The following NIPA2 variants were observed in gnomAD, a reference collection of about 807,000 sequenced individuals.
NIPA2 encodes the protein magnesium transporter NIPA2.
In NIPA2, 11 loss-of-function variants were observed where a neutral mutation model predicts 29.7. That is an observed-to-expected ratio of 0.37 (90% CI 0.23 to 0.61). NIPA2 has a LOEUF of 0.61. Ranked by LOEUF, NIPA2 falls within the 20% of genes least tolerant of loss-of-function variation. NIPA2 has a pLI of 0.66. For synonymous variants in NIPA2, 183 were observed against 161.9 expected (o/e 1.13, Z -0.99); for missense variants, 426 against 437.9 (o/e 0.97, Z 0.24).
At chr15:22,865,916 C>T (rs952510752) in intron 7 of NIPA2, among the ~76,000 whole-genome samples, 1 of 152,068 alleles carries the variant, frequency 6.6e-6, no homozygotes, top group Non-Finnish European at 1.5e-5. Context: ...TGTGTCTGTT[C>T]TGTTCCCACT....
chr15:22,843,197 C>T (rs77444285), intron 2 of NIPA2, among the ~76,000 whole-genome samples: 5,645 of 152,054 alleles, frequency 0.037, 282 homozygotes, highest in East Asian at 0.23. Flanking sequence ...AGCTGTGTGA[C>T]GTGTTACTTA....
intron 6 of NIPA2, among the ~76,000 whole-genome samples, chr15:22,859,019 C>G (rs1411682044): frequency 6.6e-6 from 1 of 151,816 alleles, no homozygotes; most frequent in Non-Finnish European, 1.5e-5. Context: ...ACTAAAAATA[C>G]AAAAATTAGC....
chr15:22,847,868 A>T (rs1266237515), intron 3 of NIPA2, among the ~76,000 whole-genome samples: 1 of 147,648 alleles, frequency 6.8e-6, no homozygotes, highest in Admixed American at 6.8e-5. Context: ...CACTATCTCA[A>T]CTCACCACAA....
chr15:22,855,839 GCCA>G (rs1031664511), intron 5 of NIPA2, among the ~76,000 whole-genome samples: 3 of 152,120 alleles, frequency 2.0e-5, no homozygotes, highest in Non-Finnish European at 4.4e-5. Flanking sequence ...AACTGTGAAG[GCCA>G]CGAGTGGGGA....
intron 5 of NIPA2, among the ~76,000 whole-genome samples, chr15:22,857,474 C>T (rs1408059015): frequency 6.6e-6 from 1 of 150,822 alleles, no homozygotes; most frequent in Non-Finnish European, 1.5e-5. Context: ...AGAGCAATGT[C>T]TTTGTTTTGC....
rs569604724 is a variant in NIPA2, at chr15:22,844,866, G to T, written c.-215-280G>T. Among the ~76,000 whole-genome samples the T allele has an allele frequency of 7.2e-5, 11 of 152,238 alleles. No homozygotes were observed. The East Asian group carries it at 2.1e-3, about 29-fold the overall frequency. On this transcript the variant is annotated intron_variant, in intron 2 of 7. Coordinates refer to ENST00000337451, the MANE Select transcript of NIPA2 (RefSeq NM_030922.7). ...TTTAAAACGTCAGTAGGTTATTTTT[G>T]GAATTTTTAATTCTCTTAGTCGTGG...
chr15:22,839,044 T>C (rs1396559226), intron 1 of NIPA2, 123 bp downstream of exon 1: 1 of 152,178 alleles, frequency 6.6e-6, no homozygotes. Flanking sequence ...TCTGAAGCGG[T>C]TTTCCTGTAA....
chr15:22,847,415 ATAAT>A (rs1330813205), intron 3 of NIPA2, among the ~76,000 whole-genome samples: 1 of 152,194 alleles, frequency 6.6e-6, no homozygotes, highest in Non-Finnish European at 1.5e-5. Context: ...AACTTGCATG[ATAAT>A]TAAGAACATT....
chr15:22,860,912 G>C (rs932268662), intron 7 of NIPA2, 123 bp downstream of exon 7: 8 of 669,520 alleles, frequency 1.2e-5, no homozygotes, highest in African/African-American at 1.1e-4. Flanking sequence ...ACAAATTGTC[G>C]TCATGTTCCC....
chr15:22,858,887 T>C (rs1356938125), intron 6 of NIPA2, among the ~76,000 whole-genome samples: 1 of 152,162 alleles, frequency 6.6e-6, no homozygotes, highest in Non-Finnish European at 1.5e-5. Context: ...TTTTTTAATA[T>C]TCAAAGTTGG....
intron 3 of NIPA2, among the ~76,000 whole-genome samples, chr15:22,850,188 G>T (rs1236162827): frequency 6.6e-6 from 1 of 152,012 alleles, no homozygotes; most frequent in Non-Finnish European, 1.5e-5. Context: ...ATAGAGGAAT[G>T]AGCACTTAGA....
intron 1 of NIPA2, chr15:22,839,129 G>A (rs1274071881): frequency 6.6e-6 from 1 of 152,152 alleles, no homozygotes; most frequent in Admixed American, 6.5e-5. Flanking sequence ...GGCCATGTCG[G>A]GGACGCATGT....
chr15:22,853,975 G>A (rs1439768073), intron 5 of NIPA2, among the ~76,000 whole-genome samples: 6 of 150,518 alleles, frequency 4.0e-5, no homozygotes, highest in African/African-American at 1.2e-4. Flanking sequence ...CTACTGGTGC[G>A]CACCACTATG....
At position 22,866,590 on chromosome 15, in the gene NIPA2, G is replaced by C. The variant is rs762258789; in HGVS notation, c.826G>C (p.Val276Leu). 2.5e-6 allele frequency: 4 copies of C among 1,614,028 alleles called. No individual in the cohort carries two copies. In the African/African-American group the frequency reaches 5.3e-5, roughly 22 times the overall value. ...ILFKEWQDMP[V>L]DDVIGTLSGF... is the part of the protein sequence containing the mutation. ...TTTTAAGGAGTGGCAAGATATGCCT[G>C]TTGACGATGTCATTGGTACTTTGAG... The change falls in exon 8 of 8, where the codon GTT becomes CTT. Residue 276 changes from valine to leucine, a missense_variant. This residue lies in a region of NIPA2 where 357 missense variants were observed against 339.8 expected (regional missense o/e 1.05). Transcript: ENST00000337451.
At chr15:22,858,683 A>G in intron 6 of NIPA2, 53 bp downstream of exon 6, 1 of 1,101,708 alleles carries the variant, frequency 9.1e-7, no homozygotes, top group South Asian at 1.5e-5. Flanking sequence ...AGTTTCTAAA[A>G]TATTCAGTAC....
rs886713777 is a variant in NIPA2, at chr15:22,839,679, A to G, written c.-327A>G. The stretch of plus-strand genomic sequence containing the variant: ...GGCTGGAGCTACTCGGCCAGGGTTT[A>G]AGACTTTAAATGAGAATAAAGGGTG... On this transcript the variant is annotated 5_prime_UTR_variant, in exon 2 of 8. Transcript: ENST00000337451. 4 of 152,228 alleles carry G rather than the reference A, an allele frequency of 2.6e-5. No homozygotes were observed. Among genetic ancestry groups the G allele is most frequent in the African/African-American group, 9.6e-5 (4 of 41,454 alleles). The allele number at this position is 152,228 out of a possible 1,614,324, so 9.4% of individuals were successfully genotyped here.
intron 3 of NIPA2, among the ~76,000 whole-genome samples, chr15:22,850,650 A>G (rs892326963): frequency 2.0e-5 from 3 of 152,206 alleles, no homozygotes; most frequent in Non-Finnish European, 4.4e-5. Flanking sequence ...CGCTTAGCAC[A>G]TAATATCCAG....
At chr15:22,841,921 C>G (rs1330398329) in intron 2 of NIPA2, among the ~76,000 whole-genome samples, 1 of 152,136 alleles carries the variant, frequency 6.6e-6, no homozygotes. Flanking sequence ...CCTGCACTTG[C>G]TTCTCTCTCC....
At chr15:22,855,619 A>T (rs2058121900) in intron 5 of NIPA2, among the ~76,000 whole-genome samples, 2 of 152,156 alleles carry the variant, frequency 1.3e-5, no homozygotes, top group African/African-American at 4.8e-5. Context: ...TTATGTGTTT[A>T]TGTGCCTGTG....
Sources: gnomAD v4.1 joint callset for allele counts (sites outside exome capture counted in the v4.1 genomes callset) on GRCh38, gnomAD v4.1.1 for gene constraint, gnomAD v4.1.1 regional missense constraint, MANE v1.5 for transcripts, NCBI Gene and HGNC (gene_info 2026-07-23, HGNC 2026-07-21) for gene names.